The following SLC4A5 variants were observed in gnomAD, a reference collection of about 807,000 sequenced individuals.
SLC4A5 encodes solute carrier family 4 member 5.
Under a neutral mutation model 120.4 loss-of-function variants are expected in SLC4A5, and 96 were observed. The observed-to-expected ratio is 0.80, with a 90% CI of 0.68 to 0.94. The LOEUF (loss-of-function observed/expected upper bound fraction) is 0.94. SLC4A5 is among the 40% of genes least tolerant of loss of function. The pLI is 0.00. For synonymous variants in SLC4A5, 550 were observed against 571.1 expected, an observed-to-expected ratio of 0.96 and a Z score of 0.53; for missense variants, 1,259 against 1,459.5, an observed-to-expected ratio of 0.86 and a Z score of 2.24.
intron 4 of SLC4A5, among the ~76,000 whole-genome samples, chr2:74,333,809 C>T (rs1328899447): frequency 6.6e-6 from 1 of 152,204 alleles, no homozygotes; most frequent in Non-Finnish European, 1.5e-5. Context: ...CATCTGAACC[C>T]TACCTGGGTT....
intron 6 of SLC4A5, among the ~76,000 whole-genome samples, chr2:74,305,613 G>A (rs1332004921): frequency 1.3e-5 from 2 of 151,628 alleles, no homozygotes; most frequent in Non-Finnish European, 2.9e-5. Flanking sequence ...AATGCATAAG[G>A]ACATACATCT....
At chr2:74,343,103 A>G (rs1673661178) in intron 1 of SLC4A5, among the ~76,000 whole-genome samples, 1 of 152,240 alleles carries the variant, frequency 6.6e-6, no homozygotes, top group African/African-American at 2.4e-5. Flanking sequence ...ACACTACTAC[A>G]GGAAAACCTC....
intron 28 of SLC4A5, among the ~76,000 whole-genome samples, chr2:74,223,928 G>A (rs569902395): frequency 3.2e-4 from 48 of 152,350 alleles, no homozygotes; most frequent in South Asian, 2.3e-3. Context: ...GCAAAATCAC[G>A]AGAACAGGAC....
chr2:74,227,075 G>A lies in SLC4A5; in HGVS notation c.2972C>T (p.Ala991Val), dbSNP rs768162642. 1.2e-6 allele frequency: 2 copies of A among 1,614,012 alleles called. No homozygotes were observed. The highest frequency in any genetic ancestry group is 2.2e-5 in the East Asian group (1 of 44,902). The change falls in exon 27 of 31, where the codon GCC becomes GTC. Residue 991 changes from alanine (A) to valine (V), a missense_variant. Transcript: ENST00000394019. ...GCGCAGCGGCACGTGCCGCAGGAAG[G>A]CATGGTCCGGCTGGTGCTTGGCTGG...
rs539765492 is a variant in SLC4A5 at position 74,293,351 on chromosome 2, C to T, written c.272-7449G>A. Among the ~76,000 whole-genome samples, 18 of 152,292 alleles carry T rather than the reference C, an allele frequency of 1.2e-4. No homozygotes were observed. The South Asian group carries it at 2.1e-3, about 18-fold the overall frequency. ...GTGGCTTTGGAATGTCTGCCCAGCC[C>T]ATGTCCCCTCCTCCCATAAGGATGA... On this transcript the variant is annotated intron_variant, in intron 7 of 30. Coordinates refer to ENST00000394019, the Ensembl canonical transcript of SLC4A5.
chr2:74,257,961 A>T (rs1253708779), intron 12 of SLC4A5, among the ~76,000 whole-genome samples: 1 of 152,210 alleles, frequency 6.6e-6, no homozygotes, highest in Non-Finnish European at 1.5e-5. Flanking sequence ...ATGTTTGGTA[A>T]GAAGGCCAGG....
In SLC4A5 at chr2:74,242,061, G is replaced by A; in HGVS notation, c.2060-9C>T. On this transcript the variant is annotated splice_polypyrimidine_tract_variant and intron_variant, in intron 19 of 30. Coordinates refer to ENST00000394019, the Ensembl canonical transcript of SLC4A5. ...GAACACGGTTGTATTCACTGTGGAT[G>A]AGCACATGACACGGGGCAGGGTCAG... 1.9e-6 allele frequency: 3 copies of A among 1,603,194 alleles called. No homozygotes were observed. The highest frequency in any genetic ancestry group is 1.7e-4 in the Middle Eastern group (1 of 5,996).
rs577671238 is a variant in SLC4A5 at position 74,289,330 on chromosome 2, T to G, written c.272-3428A>C. Among the ~76,000 whole-genome samples, 21 of 152,272 alleles carry G rather than the reference T, an allele frequency of 1.4e-4. 1 individual carries two copies. Among genetic ancestry groups the G allele is most frequent in the Admixed American group, 1.2e-3 (19 of 15,304 alleles). ...TTCTCAATTTTTCTATTACTTTTTT[T>G]TTTTGAGACAGAGTCTCACTCTTTT... On this transcript the variant is annotated intron_variant, in intron 7 of 30. Transcript: ENST00000394019.
intron 23 of SLC4A5, 51 bp downstream of exon 23, chr2:74,233,351 G>C (rs756383050): frequency 6.2e-7 from 1 of 1,601,004 alleles, no homozygotes; most frequent in Admixed American, 1.7e-5. Context: ...CGCTCTTTCT[G>C]ACTTTGTGGG....
intron 12 of SLC4A5, among the ~76,000 whole-genome samples, chr2:74,258,598 G>A (rs1336235584): frequency 6.6e-6 from 1 of 152,174 alleles, no homozygotes; most frequent in Admixed American, 6.5e-5. Flanking sequence ...AGACTGCCTA[G>A]GTCAAATCAA....
chr2:74,227,283 T>C (rs1694879495), intron 26 of SLC4A5, among the ~76,000 whole-genome samples, 153 bp from the exon 27 acceptor site: 1 of 152,110 alleles, frequency 6.6e-6, no homozygotes, highest in Admixed American at 6.5e-5. Context: ...TGGAGGTGTC[T>C]AGGCGGATGC....
intron 6 of SLC4A5, among the ~76,000 whole-genome samples, chr2:74,310,861 T>A (rs180897401): frequency 7.2e-5 from 11 of 152,216 alleles, no homozygotes. Context: ...CTGGAAGAGA[T>A]TGTAGACAAC....
chr2:74,310,992 A>G (rs965964179), intron 6 of SLC4A5, among the ~76,000 whole-genome samples: 1 of 151,102 alleles, frequency 6.6e-6, no homozygotes, highest in Admixed American at 6.6e-5. Context: ...CTTTAATAGT[A>G]ATAGGCCTGT....
intron 6 of SLC4A5, among the ~76,000 whole-genome samples, chr2:74,312,372 G>A (rs1672834252): frequency 6.6e-6 from 1 of 151,874 alleles, no homozygotes; most frequent in African/African-American, 2.4e-5. Context: ...TGGGATTACA[G>A]GTGCATGCCA....
intron 10 of SLC4A5, among the ~76,000 whole-genome samples, chr2:74,263,247 T>G (rs1435256710): frequency 6.6e-6 from 1 of 152,146 alleles, no homozygotes; most frequent in East Asian, 1.9e-4. Flanking sequence ...GTTTAAGCCA[T>G]GAGGTTTATG....
intron 7 of SLC4A5, among the ~76,000 whole-genome samples, chr2:74,300,035 T>C (rs536273827): frequency 1.3e-5 from 2 of 152,362 alleles, no homozygotes; most frequent in East Asian, 3.9e-4. Context: ...GGAATATTAT[T>C]CAGCCATAAA....
At chr2:74,267,026 C>A (rs1405555422) in intron 8 of SLC4A5, among the ~76,000 whole-genome samples, 1 of 152,026 alleles carries the variant, frequency 6.6e-6, no homozygotes, top group Non-Finnish European at 1.5e-5. Context: ...GTAAACAATC[C>A]TGAGAAGAAA....
exon 15 of SLC4A5, chr2:74,253,010 A>G (rs1276267793): frequency 1.2e-6 from 2 of 1,614,194 alleles, no homozygotes; most frequent in African/African-American, 1.3e-5. Context: ...GGGGGGCTCA[A>G]TCCGGATATT....
chr2:74,319,409 T>C (rs1240233978), intron 5 of SLC4A5: 1 of 152,210 alleles, frequency 6.6e-6, no homozygotes, highest in East Asian at 1.9e-4. Flanking sequence ...GTGCTCGCTT[T>C]AGTAGCACAT....
Sources: gnomAD v4.1 joint callset for allele counts (sites outside exome capture counted in the v4.1 genomes callset) on GRCh38, gnomAD v4.1.1 for gene constraint, MANE v1.5 for transcripts, NCBI Gene and HGNC (gene_info 2026-07-23, HGNC 2026-07-21) for gene names.